DAO: variants seen among roughly 807,000 people sequenced by gnomAD.
DAO encodes the protein D-amino-acid oxidase.
A neutral mutation model predicts 50.1 loss-of-function variants in DAO; 51 were observed. That is an observed-to-expected ratio of 1.02 (90% confidence interval 0.81 to 1.29). DAO has a LOEUF of 1.29. DAO is among the 50% of genes most tolerant of loss of function. DAO has a pLI of 0.00. For synonymous variants in DAO, 160 were observed against 166.2 expected, an observed-to-expected ratio of 0.96 and a Z score of 0.29; for missense variants, 436 against 439.4, an observed-to-expected ratio of 0.99 and a Z score of 0.07.
At position 108,899,452 on chromosome 12, in the gene DAO, C is replaced by T. The variant is rs764973777; in HGVS notation, c.889C>T (p.Arg297Cys). The change falls in exon 10 of 11, where the codon CGC becomes TGC. Residue 297 changes from arginine to cysteine, a missense_variant. By Grantham distance (180) the Arg-to-Cys change is radical. Transcript: ENST00000228476. ...PQIRLEREQLRTGPSNTEVIH... is the reference protein window; with the variant it reads ...PQIRLEREQLCTGPSNTEVIH... ...GATTCGGCTAGAAAGAGAACAGCTT[C>T]GCACTGGACCTTCAAACACAGAGGT... The T allele has an allele frequency of 1.3e-5, 21 of 1,613,542 alleles. No individual in the cohort carries two copies. The highest frequency in any genetic ancestry group is 9.3e-5 in the African/African-American group (7 of 74,910).
chr12:108,887,585 C>T, intron 3 of DAO, 21 bp downstream of exon 3: 6 of 1,564,598 alleles, frequency 3.8e-6, no homozygotes, highest in Non-Finnish European at 5.3e-6. Flanking sequence ...AGTTCTTGAC[C>T]ATGAGGGATG....
At chr12:108,880,543 G>T (rs775261598) in intron 1 of DAO, among the ~76,000 whole-genome samples, 1 of 152,090 alleles carries the variant, frequency 6.6e-6, no homozygotes, top group Non-Finnish European at 1.5e-5. Context: ...TACTCAAATG[G>T]TAGTTATTAT....
intron 5 of DAO, among the ~76,000 whole-genome samples, 171 bp downstream of exon 5, chr12:108,890,444 T>C (rs553384221): frequency 6.6e-6 from 1 of 152,186 alleles, no homozygotes; most frequent in Admixed American, 6.5e-5. Context: ...ACAGAGGCAA[T>C]GGATCCTGAG....
rs192978635 is a variant in DAO, at chr12:108,899,073, T to C, written c.813+277T>C. Among the ~76,000 whole-genome samples the C allele has an allele frequency of 2.0e-4, 30 of 152,124 alleles. 1 individual carries two copies. In the East Asian group the frequency reaches 5.8e-3, roughly 29 times the overall value. ...GATGAGGATGAGTTGGTACTGATGG[T>C]GAGGAAAATGCTGAGAATGGTAATA... On this transcript the variant is annotated intron_variant, in intron 9 of 10. Coordinates refer to ENST00000228476, the MANE Select transcript of DAO (RefSeq NM_001917.5).
chr12:108,884,900 T>C (rs2039418192), intron 1 of DAO, 98 bp from the exon 2 acceptor site: 1 of 1,118,970 alleles, frequency 8.9e-7, no homozygotes, highest in Non-Finnish European at 1.4e-6. Flanking sequence ...CTTGGTGGTG[T>C]CTGGCACCTT....
At position 108,900,903 on chromosome 12, in the gene DAO, G is replaced by A. The variant is rs1037850859; in HGVS notation, c.*368G>A. On this transcript the variant is annotated 3_prime_UTR_variant, in exon 11 of 11. Transcript: ENST00000228476. ...TTACAAGTTGTACTAACATATTAAA[G>A]GTTCTGAAAAGTCCTGCAGCAAAGA... The A allele has an allele frequency of 6.3e-5, 18 of 285,228 alleles. No individual in the cohort carries two copies. The highest frequency in any genetic ancestry group is 3.7e-4 in the African/African-American group (17 of 45,426). The allele number at this position is 285,228 out of a possible 1,614,324, so 17.7% of individuals were successfully genotyped here.
chr12:108,884,194 C>T (rs547538796), intron 1 of DAO, among the ~76,000 whole-genome samples: 35 of 152,374 alleles, frequency 2.3e-4, no homozygotes, highest in African/African-American at 8.4e-4. Flanking sequence ...CTGTCATGCT[C>T]ATAGCTGCAT....
In DAO at chr12:108,889,404, C is replaced by T. The variant is rs1316830208; in HGVS notation, c.310-65C>T. ...GGATTACAGGTGTGAGCCACCTCGC[C>T]TGGCCCATTATCATTATTATTGACT... On this transcript the variant is annotated intron_variant, in intron 3 of 10. Coordinates refer to ENST00000228476, the MANE Select transcript of DAO (RefSeq NM_001917.5). 6 of 1,145,984 alleles carry T rather than the reference C, an allele frequency of 5.2e-6. No homozygotes were observed. The East Asian group carries it at 1.5e-4, about 28-fold the overall frequency. 71.0% of individuals were successfully genotyped at this position (1,145,984 alleles called of 1,614,324 possible).
In DAO at chr12:108,884,984, C is replaced by A; in HGVS notation, c.-9-14C>A. ...ATGGTGATGATGTTGTGCCTCAACC[C>A]TTCCTTCCCACAGGCTGCTGCAATG... On this transcript the variant is annotated splice_polypyrimidine_tract_variant and intron_variant, in intron 1 of 10. Transcript: ENST00000228476. The A allele has an allele frequency of 1.2e-6, 2 of 1,613,346 alleles. No individual in the cohort carries two copies. Among genetic ancestry groups the A allele is most frequent in the Middle Eastern group, 3.3e-4 (2 of 6,058 alleles).
chr12:108,896,199 G>A (rs576056536), intron 7 of DAO, among the ~76,000 whole-genome samples: 117 of 151,982 alleles, frequency 7.7e-4, no homozygotes, highest in African/African-American at 2.6e-3. Flanking sequence ...TGAGGCAGGT[G>A]GATCACGAGG....
rs1230966941 is a variant in DAO at position 108,895,772 on chromosome 12, G to GGT, written c.613-1224_613-1223dup. On this transcript the variant is annotated intron_variant, in intron 7 of 10. Transcript: ENST00000228476. ...ATGTGTGTGAGGGTGTGTGTCTGAG[G>GGT]GTGTGTGTGTGCATGTGCACCTGTG... Among the ~76,000 whole-genome samples, 37 of 150,474 alleles carry GGT rather than the reference G, an allele frequency of 2.5e-4. 1 individual carries two copies. Among genetic ancestry groups the GGT allele is most frequent in the African/African-American group, 8.3e-4 (34 of 40,766 alleles).
At chr12:108,895,980 T>C (rs2039549998) in intron 7 of DAO, among the ~76,000 whole-genome samples, 1 of 151,894 alleles carries the variant, frequency 6.6e-6, no homozygotes. Context: ...GATGCACCTG[T>C]GACTCCTTTT....
chr12:108,881,474 AACACACACACACACACACACAC>A (rs59694062), intron 1 of DAO, among the ~76,000 whole-genome samples: 1 of 138,500 alleles, frequency 7.2e-6, no homozygotes, highest in Non-Finnish European at 1.6e-5. Context: ...TGTATTTTAA[AACACACACACACACACACACAC>A]ACACACACAC....
At chr12:108,882,632 G>A (rs2039393256) in intron 1 of DAO, among the ~76,000 whole-genome samples, 1 of 152,122 alleles carries the variant, frequency 6.6e-6, no homozygotes, top group Non-Finnish European at 1.5e-5. Context: ...ATCCTGGGAG[G>A]ACCCTCAGCC....
chr12:108,894,242 T>G (rs1379451730), intron 6 of DAO, 21 bp from the exon 7 acceptor site: 1 of 1,595,112 alleles, frequency 6.3e-7, no homozygotes, highest in East Asian at 2.2e-5. Flanking sequence ...CATCCCCCAC[T>G]ACCCTGTTGG....
chr12:108,880,310 A>G (rs2039363010), intron 1 of DAO, 86 bp downstream of exon 1: 2 of 362,258 alleles, frequency 5.5e-6, no homozygotes, highest in South Asian at 4.1e-5. Flanking sequence ...AATGTCAAAG[A>G]CAGGGCTCAA....
chr12:108,885,311 C>T (rs1390801849), intron 2 of DAO, 111 bp downstream of exon 2: 2 of 1,101,110 alleles, frequency 1.8e-6, no homozygotes, highest in Non-Finnish European at 2.7e-6. Flanking sequence ...TCTGATCTAG[C>T]ATAAAATAAA....
At chr12:108,896,294 G>C (rs1201169472) in intron 7 of DAO, among the ~76,000 whole-genome samples, 1 of 151,062 alleles carries the variant, frequency 6.6e-6, no homozygotes, top group Non-Finnish European at 1.5e-5. Flanking sequence ...GTGGTGGCAG[G>C]TGCCTGTAAT....
At chr12:108,896,201 A>G (rs971282373) in intron 7 of DAO, among the ~76,000 whole-genome samples, 1 of 151,928 alleles carries the variant, frequency 6.6e-6, no homozygotes, top group African/African-American at 2.4e-5. Context: ...AGGCAGGTGG[A>G]TCACGAGGTC....
Sources: allele counts gnomAD v4.1 joint callset (sites outside exome capture counted in the v4.1 genomes callset), GRCh38; gene constraint gnomAD v4.1.1; transcripts MANE v1.5; gene names NCBI Gene and HGNC (gene_info 2026-07-23, HGNC 2026-07-21).